Variants in TATDN1 observed in about 807,000 individuals in gnomAD.
The protein encoded by TATDN1 is TatD DNase domain containing 1.
A neutral mutation model predicts 46.4 loss-of-function variants in TATDN1; 40 were observed. The ratio of observed to expected loss-of-function variants is 0.86; its 90% CI spans 0.67 to 1.12. TATDN1 has a LOEUF of 1.12. Ranked by LOEUF, TATDN1 falls within the 50% of genes most tolerant of loss-of-function variation. The probability of loss-of-function intolerance (pLI) is 0.00; values close to 1 mark genes in which losing one functional copy is unlikely to be tolerated. For missense variants in TATDN1, 326 were observed against 348.4 expected (o/e 0.94, Z 0.51); for synonymous variants, 95 against 105.6 (o/e 0.90, Z 0.62).
At chr8:124,529,262 C>A (rs1820759378) in intron 1 of TATDN1, among the ~76,000 whole-genome samples, 1 of 152,186 alleles carries the variant, frequency 6.6e-6, no homozygotes, top group Non-Finnish European at 1.5e-5. Flanking sequence ...ACTCCTAAAT[C>A]CCGCAACAAT....
intron 9 of TATDN1, 24 bp downstream of exon 9, chr8:124,504,247 A>C (rs746910145): frequency 1.7e-5 from 26 of 1,550,714 alleles, no homozygotes; most frequent in Non-Finnish European, 2.2e-5. Flanking sequence ...AAAAGTTAAA[A>C]ACCAAAGCAA....
rs537160353 is a variant in TATDN1, at chr8:124,507,699, C to T, written c.516+775G>A. ...CTTGGGAGGCTGAGGATGGCTTGAT[C>T]CCGGGGAAGCAGAGGTTGCAGTGAG... On this transcript the variant is annotated intron_variant, in intron 8 of 11. Transcript: ENST00000276692. Among the ~76,000 whole-genome samples the T allele has an allele frequency of 6.6e-5, 10 of 151,770 alleles. No individual in the cohort carries two copies. The East Asian group carries it at 1.9e-3, about 29-fold the overall frequency.
intron 1 of TATDN1, 38 bp downstream of exon 1, chr8:124,538,987 T>C (rs779873545): frequency 1.9e-6 from 3 of 1,613,518 alleles, no homozygotes; most frequent in South Asian, 2.2e-5. Context: ...CCGGGACAAG[T>C]CAGAAAGACC....
At chr8:124,503,136 T>C (rs1172966171) in intron 9 of TATDN1, among the ~76,000 whole-genome samples, 1 of 152,210 alleles carries the variant, frequency 6.6e-6, no homozygotes, top group Non-Finnish European at 1.5e-5. Context: ...ACATTGAGTA[T>C]GCATATAACC....
At chr8:124,490,367 A>G (rs12542293) in intron 11 of TATDN1, 72,039 of 151,710 alleles carry the variant, frequency 0.47, 17,345 homozygotes, top group South Asian at 0.54. Flanking sequence ...AAAATTAGCC[A>G]GGCATGGTGG....
chr8:124,536,572 G>T (rs768218526), intron 1 of TATDN1, among the ~76,000 whole-genome samples: 1 of 152,118 alleles, frequency 6.6e-6, no homozygotes, highest in Non-Finnish European at 1.5e-5. Flanking sequence ...CACTGTTGGG[G>T]TATAGTTCTA....
chr8:124,510,238 A>C (rs1317156152), intron 6 of TATDN1, among the ~76,000 whole-genome samples: 1 of 152,124 alleles, frequency 6.6e-6, no homozygotes, highest in Non-Finnish European at 1.5e-5. Context: ...GGACAAAAAG[A>C]GATTTTGATA....
chr8:124,510,749 G>A (rs894910305), intron 6 of TATDN1, among the ~76,000 whole-genome samples: 1 of 152,104 alleles, frequency 6.6e-6, no homozygotes, highest in South Asian at 2.1e-4. Flanking sequence ...CTTGAGCCTG[G>A]CGAGGTCAAG....
At chr8:124,502,103 G>A in intron 9 of TATDN1, among the ~76,000 whole-genome samples, 1 of 152,338 alleles carries the variant, frequency 6.6e-6, no homozygotes, top group East Asian at 1.9e-4. Flanking sequence ...GGGAGGCCGA[G>A]ACGGGCAGAT....
At chr8:124,521,971 A>G (rs1336012247) in intron 3 of TATDN1, 180 bp downstream of exon 3, 1 of 460,622 alleles carries the variant, frequency 2.2e-6, no homozygotes, top group Non-Finnish European at 3.8e-6. Context: ...TGTGTAACTT[A>G]AATTGCTATG....
chr8:124,517,975 G>T lies in TATDN1; in HGVS notation c.202+843C>A, dbSNP rs188050669. 7.6e-3 allele frequency among the ~76,000 whole-genome samples: 1,154 copies of T among 152,192 alleles called. 13 individuals carry two copies. The highest frequency in any genetic ancestry group is 0.025 in the African/African-American group (1,046 of 41,516). On this transcript the variant is annotated intron_variant, in intron 4 of 11. Transcript: ENST00000276692. ...GCCTGTAATCCCAGCGCTTTGGGAG[G>T]CCGAGGCAGGCGGATCACGAGGTCA...
chr8:124,517,384 T>C (rs1347332438), intron 4 of TATDN1, among the ~76,000 whole-genome samples: 9 of 146,054 alleles, frequency 6.2e-5, no homozygotes, highest in Non-Finnish European at 1.3e-4. Context: ...GCCGAGATCG[T>C]GCCATTGCAC....
In TATDN1 at chr8:124,524,310, T is replaced by G. The variant is rs191696901; in HGVS notation, c.23-1308A>C. Among the ~76,000 whole-genome samples the G allele has an allele frequency of 2.3e-3, 355 of 152,322 alleles. 1 individual carries two copies. Among genetic ancestry groups the G allele is most frequent in the Non-Finnish European group, 2.9e-3 (200 of 68,032 alleles). On this transcript the variant is annotated intron_variant, in intron 1 of 11. Coordinates refer to ENST00000276692, the MANE Select transcript of TATDN1 (RefSeq NM_032026.4). ...GCACTAACATGTCAACAAAGATGGG[T>G]GGGATGTGGTACCCTTTAAAAGGGC...
At position 124,500,837 on chromosome 8, in the gene TATDN1, T is replaced by A. The variant is rs75155836; in HGVS notation, c.593+3434A>T. 1.4e-3 allele frequency among the ~76,000 whole-genome samples: 208 copies of A among 151,258 alleles called. 2 individuals carry two copies. The East Asian group carries it at 0.029, about 21-fold the overall frequency. On this transcript the variant is annotated intron_variant, in intron 9 of 11. Coordinates refer to ENST00000276692, the MANE Select transcript of TATDN1 (RefSeq NM_032026.4). Reference sequence around the variant, plus strand: ...ACTAGGAGACATATGTTACCCCAAATCACAACATATAGCTGAAAGTGGACA... The same window carrying A: ...ACTAGGAGACATATGTTACCCCAAAACACAACATATAGCTGAAAGTGGACA...
chr8:124,495,999 T>C (rs763890474), intron 9 of TATDN1, among the ~76,000 whole-genome samples: 23 of 152,246 alleles, frequency 1.5e-4, no homozygotes, highest in Non-Finnish European at 2.2e-4. Flanking sequence ...TCCTTGAATC[T>C]GGCGTTGGCC....
In TATDN1 at chr8:124,488,663, A is replaced by C. The variant is rs764791322; in HGVS notation, c.825T>G (p.Asp275Glu). The change falls in exon 12 of 12, where the codon GAT becomes GAG. Residue 275 changes from aspartate to glutamate, a missense_variant. By Grantham distance (45) the Asp-to-Glu change is conservative (BLOSUM62 2). Transcript: ENST00000276692. ...TATTGGCTAATTCCAGTGGATCCTC[A>C]TCTCTCACTGCTGACATTATCTCCA... The part of the protein sequence containing the change: ...QILEIMSAVR[D>E]EDPLELANTL... 1.9e-6 allele frequency: 3 copies of C among 1,607,294 alleles called. No individual in the cohort carries two copies. Among genetic ancestry groups the C allele is most frequent in the Non-Finnish European group, 2.6e-6 (3 of 1,174,502 alleles).
chr8:124,517,762 G>A (rs1819613059), intron 4 of TATDN1, among the ~76,000 whole-genome samples: 1 of 151,944 alleles, frequency 6.6e-6, no homozygotes, highest in Non-Finnish European at 1.5e-5. Context: ...ATTATATAGT[G>A]TTATTATTTG....
intron 3 of TATDN1, among the ~76,000 whole-genome samples, chr8:124,520,671 G>A (rs907538140): frequency 2.0e-5 from 3 of 151,476 alleles, no homozygotes; most frequent in South Asian, 2.1e-4. Context: ...GGCCTGGCGC[G>A]GTGGCTCAAG....
At chr8:124,494,135 C>T (rs2131345011) in intron 10 of TATDN1, 176 bp from the exon 11 acceptor site, 1 of 519,540 alleles carries the variant, frequency 1.9e-6, no homozygotes, top group Non-Finnish European at 3.2e-6. Flanking sequence ...TGAATTGCAT[C>T]TTAAATACCT....
Sources: gnomAD v4.1 joint callset for allele counts (sites outside exome capture counted in the v4.1 genomes callset) on GRCh38, gnomAD v4.1.1 for gene constraint, MANE v1.5 for transcripts, NCBI Gene and HGNC (gene_info 2026-07-23, HGNC 2026-07-21) for gene names.